The following STRN variants were observed in gnomAD, a reference collection of about 807,000 sequenced individuals.
STRN encodes protein phosphatase 2 regulatory subunit B'''alpha.
STRN carries 53 observed loss-of-function variants against 96.3 expected under a neutral mutation model. The ratio of observed to expected loss-of-function variants is 0.55; its 90% CI spans 0.44 to 0.69. The LOEUF (loss-of-function observed/expected upper bound fraction) is 0.69. Ranked by LOEUF, STRN falls within the 30% of genes least tolerant of loss-of-function variation. STRN has a pLI of 0.00. For synonymous variants in STRN, 428 were observed against 355.9 expected, an observed-to-expected ratio of 1.20 and a Z score of -2.28; for missense variants, 987 against 963.9, an observed-to-expected ratio of 1.02 and a Z score of -0.32.
At chr2:36,927,490 C>G (rs1186549119) in intron 1 of STRN, among the ~76,000 whole-genome samples, 2 of 131,026 alleles carry the variant, frequency 1.5e-5, no homozygotes, top group African/African-American at 5.9e-5. Context: ...ACATGGGTGA[C>G]AGAGTGAGAC....
chr2:36,889,771 A>C (rs1178077555), intron 7 of STRN, among the ~76,000 whole-genome samples: 1 of 152,124 alleles, frequency 6.6e-6, no homozygotes, highest in Non-Finnish European at 1.5e-5. Context: ...CCTAAAACAT[A>C]CAGGTCAAAC....
At chr2:36,883,379 C>T (rs555481424) in intron 9 of STRN, among the ~76,000 whole-genome samples, 1 of 152,094 alleles carries the variant, frequency 6.6e-6, no homozygotes, top group African/African-American at 2.4e-5. Flanking sequence ...ATCACTTGAA[C>T]CTGGGAGGTG....
chr2:36,869,907 A>G (rs1464646251), intron 10 of STRN, among the ~76,000 whole-genome samples, 178 bp from the exon 11 acceptor site: 4 of 152,182 alleles, frequency 2.6e-5, no homozygotes, highest in Non-Finnish European at 4.4e-5. Flanking sequence ...CAATAACCCA[A>G]CACTAGTTTT....
At chr2:36,937,006 G>A (rs1271100492) in intron 1 of STRN, among the ~76,000 whole-genome samples, 1 of 152,130 alleles carries the variant, frequency 6.6e-6, no homozygotes, top group Non-Finnish European at 1.5e-5. Flanking sequence ...AAAGACAGTA[G>A]GACCCAGACT....
rs190671478 is a variant in STRN at position 36,892,143 on chromosome 2, A to C, written c.931+1755T>G. 2.6e-5 allele frequency among the ~76,000 whole-genome samples: 4 copies of C among 152,304 alleles called. No individual in the cohort carries two copies. The East Asian group carries it at 7.7e-4, about 29-fold the overall frequency. On this transcript the variant is annotated intron_variant, in intron 7 of 17. Transcript: ENST00000263918. Reference sequence around the variant, plus strand: ...GTATATTAGAATCTGTATTTATCCTAAGTAAATTAACATAGAAACAGAAAA... The same window carrying C: ...GTATATTAGAATCTGTATTTATCCTCAGTAAATTAACATAGAAACAGAAAA...
At chr2:36,877,168 C>T (rs1668936349) in intron 10 of STRN, among the ~76,000 whole-genome samples, 1 of 152,192 alleles carries the variant, frequency 6.6e-6, no homozygotes, top group Non-Finnish European at 1.5e-5. Flanking sequence ...GGAAAGCACA[C>T]TGTATACATC....
chr2:36,927,871 G>T (rs1002198585), intron 1 of STRN, among the ~76,000 whole-genome samples: 1 of 152,002 alleles, frequency 6.6e-6, no homozygotes, highest in East Asian at 1.9e-4. Flanking sequence ...ATTTTAGAAT[G>T]GTATCCTTCA....
chr2:36,943,531 A>G (rs558109604), intron 1 of STRN, among the ~76,000 whole-genome samples: 63 of 152,300 alleles, frequency 4.1e-4, no homozygotes, highest in Non-Finnish European at 7.2e-4. Flanking sequence ...TAGGCCAGGC[A>G]CAGTGGCTCA....
chr2:36,862,892 C>T (rs1276445892), intron 12 of STRN, among the ~76,000 whole-genome samples: 4 of 152,058 alleles, frequency 2.6e-5, no homozygotes, highest in African/African-American at 9.7e-5. Context: ...CCCACCACCA[C>T]GCCCGTCTAA....
At chr2:36,907,166 A>C (rs1669841931) in intron 3 of STRN, among the ~76,000 whole-genome samples, 1 of 152,218 alleles carries the variant, frequency 6.6e-6, no homozygotes, top group South Asian at 2.1e-4. Context: ...GCCCTTGATC[A>C]AACTCTAAAA....
intron 12 of STRN, 141 bp downstream of exon 12, chr2:36,867,673 A>G (rs763565411): frequency 4.1e-6 from 2 of 486,222 alleles, no homozygotes; most frequent in Middle Eastern, 5.6e-4. Flanking sequence ...TTTTAGCATT[A>G]TATTATCTGT....
chr2:36,874,032 G>A (rs905876159), intron 10 of STRN, among the ~76,000 whole-genome samples: 2 of 151,222 alleles, frequency 1.3e-5, no homozygotes, highest in African/African-American at 4.9e-5. Context: ...GAGGCGGGTG[G>A]ATCACAAGGT....
intron 9 of STRN, 99 bp downstream of exon 9, chr2:36,883,833 G>T: frequency 8.7e-7 from 1 of 1,153,632 alleles, no homozygotes; most frequent in Non-Finnish European, 1.1e-6. Flanking sequence ...AACATCTGCA[G>T]AATAAAGTTC....
chr2:36,871,558 T>C (rs1219962576), intron 10 of STRN, among the ~76,000 whole-genome samples: 1 of 152,198 alleles, frequency 6.6e-6, no homozygotes, highest in Non-Finnish European at 1.5e-5. Flanking sequence ...CATTAAGCAA[T>C]GTATGACTGT....
intron 1 of STRN, among the ~76,000 whole-genome samples, chr2:36,943,480 T>C (rs1384610342): frequency 2.0e-5 from 3 of 152,054 alleles, no homozygotes; most frequent in Non-Finnish European, 4.4e-5. Context: ...ATTAAATCAT[T>C]TCACTGTCAC....
At chr2:36,862,992 G>C (rs1228476117) in intron 12 of STRN, among the ~76,000 whole-genome samples, 1 of 152,012 alleles carries the variant, frequency 6.6e-6, no homozygotes, top group African/African-American at 2.4e-5. Flanking sequence ...CAAAGTGCTG[G>C]GATTATAAGC....
At chr2:36,924,149 G>A (rs775482309) in intron 2 of STRN, among the ~76,000 whole-genome samples, 3 of 152,088 alleles carry the variant, frequency 2.0e-5, no homozygotes, top group South Asian at 4.1e-4. Flanking sequence ...GAGGTCAGGA[G>A]ATCAAGACCA....
At chr2:36,913,879 G>A (rs1219212464) in intron 3 of STRN, among the ~76,000 whole-genome samples, 1 of 152,152 alleles carries the variant, frequency 6.6e-6, no homozygotes, top group Non-Finnish European at 1.5e-5. Context: ...GAGAAATTAA[G>A]TAGGATCACG....
rs144190141 is a variant in STRN, at chr2:36,842,821, T to G, written c.*6635A>C. On this transcript the variant is annotated 3_prime_UTR_variant, in exon 18 of 18. Coordinates refer to ENST00000263918, the MANE Select transcript of STRN (RefSeq NM_003162.4). The stretch of plus-strand genomic sequence containing the variant: ...TCAGAGCCGTATGTCAGTGCTTCCT[T>G]AGAGAACTGGAGTGTTCTGGTCATC... Among the ~76,000 whole-genome samples the G allele has an allele frequency of 2.6e-5, 4 of 152,278 alleles. No individual in the cohort carries two copies. The East Asian group carries it at 7.7e-4, about 29-fold the overall frequency.
Sources: gnomAD v4.1 joint callset for allele counts (sites outside exome capture counted in the v4.1 genomes callset) on GRCh38, gnomAD v4.1.1 for gene constraint, MANE v1.5 for transcripts, NCBI Gene and HGNC (gene_info 2026-07-23, HGNC 2026-07-21) for gene names.